Variants in FBXW11 observed in about 807,000 individuals in gnomAD.
FBXW11 encodes F-box/WD repeat-containing protein 11.
FBXW11 carries 19 observed loss-of-function variants against 77.6 expected under a neutral mutation model. The observed-to-expected ratio is 0.24, with a 90% CI of 0.17 to 0.36. FBXW11 has a LOEUF of 0.36. Ranked by LOEUF, FBXW11 falls within the 10% of genes least tolerant of loss-of-function variation. FBXW11 has a pLI of 1.00. For missense variants in FBXW11, 334 were observed against 704.2 expected, an observed-to-expected ratio of 0.47 and a Z score of 5.95; for synonymous variants, 235 against 249.4, an observed-to-expected ratio of 0.94 and a Z score of 0.54.
chr5:171,975,643 C>T (rs1764788612), intron 1 of FBXW11, among the ~76,000 whole-genome samples: 2 of 152,166 alleles, frequency 1.3e-5, no homozygotes, highest in Non-Finnish European at 2.9e-5. Context: ...CTACTTCTTC[C>T]CATGCTAAAA....
intron 1 of FBXW11, among the ~76,000 whole-genome samples, chr5:171,983,796 T>C (rs945034550): frequency 6.6e-6 from 1 of 152,210 alleles, no homozygotes; most frequent in Non-Finnish European, 1.5e-5. Context: ...CCAGTAATTC[T>C]GTTGGGTTCT....
intron 1 of FBXW11, among the ~76,000 whole-genome samples, chr5:171,960,108 G>A (rs1236532450): frequency 6.6e-6 from 1 of 152,296 alleles, no homozygotes; most frequent in East Asian, 1.9e-4. Flanking sequence ...AGGTGAGGTG[G>A]CTCACGCCTA....
rs758247050 is a variant in FBXW11 at position 171,898,959 on chromosome 5, A to AAC, written c.714+43_714+44dup. On this transcript the variant is annotated intron_variant, in intron 6 of 13. Transcript: ENST00000517395. ...CTCTAAGGCAACATAAAAAGTTGAG[A>AAC]ACAAGAAACAAAGAGCCCATAAAAC... The AAC allele has an allele frequency of 2.1e-4, 265 of 1,270,580 alleles. 1 individual carries two copies. The highest frequency in any genetic ancestry group is 1.5e-5 in the Non-Finnish European group (14 of 904,724). The allele number at this position is 1,270,580 out of a possible 1,614,324, so 78.7% of individuals were successfully genotyped here.
chr5:171,870,667 T>C (rs1757701596), intron 11 of FBXW11, 81 bp downstream of exon 11: 1 of 1,042,254 alleles, frequency 9.6e-7, no homozygotes, highest in South Asian at 1.4e-5. Flanking sequence ...ACCTGGTACA[T>C]ACAGAGTTGC....
At chr5:171,865,791 T>G (rs771828585) in intron 13 of FBXW11, among the ~76,000 whole-genome samples, 7 of 151,888 alleles carry the variant, frequency 4.6e-5, no homozygotes, top group Non-Finnish European at 7.4e-5. Flanking sequence ...CTAATTTTTT[T>G]AAAAACGACT....
At chr5:171,930,323 G>A (rs1003588694) in intron 2 of FBXW11, among the ~76,000 whole-genome samples, 1 of 152,174 alleles carries the variant, frequency 6.6e-6, no homozygotes, top group South Asian at 2.1e-4. Context: ...AACATCATAC[G>A]TATTAGTGAA....
intron 1 of FBXW11, among the ~76,000 whole-genome samples, chr5:171,982,477 T>C (rs1176649616): frequency 6.6e-5 from 10 of 152,148 alleles, no homozygotes; most frequent in Admixed American, 6.6e-4. Context: ...TTACATCTTG[T>C]TGGTCAGGCT....
chr5:171,964,759 AG>A (rs1235949058), intron 1 of FBXW11, among the ~76,000 whole-genome samples: 3 of 152,236 alleles, frequency 2.0e-5, no homozygotes, highest in East Asian at 3.8e-4. Flanking sequence ...GTTAAATAAA[AG>A]TTAATTCACG....
intron 1 of FBXW11, among the ~76,000 whole-genome samples, chr5:171,971,730 C>G (rs1192056373): frequency 2.0e-5 from 3 of 152,274 alleles, no homozygotes; most frequent in Non-Finnish European, 4.4e-5. Context: ...CACCTGTAAT[C>G]CCAACACTTT....
chr5:171,918,105 A>T (rs1761371164), intron 2 of FBXW11, among the ~76,000 whole-genome samples: 1 of 152,078 alleles, frequency 6.6e-6, no homozygotes, highest in Non-Finnish European at 1.5e-5. Context: ...TGTTAAATAC[A>T]ATACAGTCCT....
intron 1 of FBXW11, among the ~76,000 whole-genome samples, chr5:172,006,056 C>A (rs184965561): frequency 0.012 from 1,835 of 152,228 alleles, 17 homozygotes; most frequent in Non-Finnish European, 0.017. Context: ...CCATCTCACT[C>A]GGCCTGAGTG....
chr5:171,944,473 G>A lies in FBXW11; in HGVS notation c.147+13124C>T, dbSNP rs887532955. Reference sequence around the variant, plus strand: ...GCCTGTAGTCCCAGCTATGCGGGAGGCTGAGGCAGGAGAATGGCGTGAACC... The same window carrying A: ...GCCTGTAGTCCCAGCTATGCGGGAGACTGAGGCAGGAGAATGGCGTGAACC... On this transcript the variant is annotated intron_variant, in intron 2 of 13. Coordinates refer to ENST00000517395, the MANE Select transcript of FBXW11 (RefSeq NM_001378974.1). Among the ~76,000 whole-genome samples, 14 of 150,304 alleles carry A rather than the reference G, an allele frequency of 9.3e-5. 1 individual carries two copies. Among genetic ancestry groups the A allele is most frequent in the African/African-American group, 2.2e-4 (9 of 41,012 alleles).
intron 13 of FBXW11, 117 bp downstream of exon 13, chr5:171,868,493 G>T: frequency 2.6e-6 from 2 of 756,504 alleles, no homozygotes; most frequent in Non-Finnish European, 4.3e-6. Flanking sequence ...TGCAAAAGTT[G>T]ACACGTCTAA....
At chr5:172,000,656 T>C (rs555419571) in intron 1 of FBXW11, among the ~76,000 whole-genome samples, 59 of 152,332 alleles carry the variant, frequency 3.9e-4, no homozygotes, top group African/African-American at 1.3e-3. Context: ...AAAGTTAGTA[T>C]GGTCAGCATT....
intron 9 of FBXW11, among the ~76,000 whole-genome samples, chr5:171,875,596 A>G (rs1758025117): frequency 6.6e-6 from 1 of 152,224 alleles, no homozygotes; most frequent in Non-Finnish European, 1.5e-5. Context: ...ATCTTATGGC[A>G]TGGAAACTAT....
chr5:171,905,482 T>C (rs1304116085), intron 4 of FBXW11, among the ~76,000 whole-genome samples: 2 of 151,442 alleles, frequency 1.3e-5, no homozygotes, highest in Non-Finnish European at 2.9e-5. Flanking sequence ...TGTTCTACTC[T>C]CCCCCAAATC....
intron 10 of FBXW11, among the ~76,000 whole-genome samples, chr5:171,872,315 A>G (rs1000839779): frequency 1.3e-5 from 2 of 152,216 alleles, no homozygotes; most frequent in African/African-American, 4.8e-5. Flanking sequence ...CACTTATGTA[A>G]TGCCACTAGA....
At chr5:171,984,301 T>A (rs1765314283) in intron 1 of FBXW11, among the ~76,000 whole-genome samples, 1 of 152,242 alleles carries the variant, frequency 6.6e-6, no homozygotes, top group Non-Finnish European at 1.5e-5. Flanking sequence ...AAAACATGTA[T>A]TCTTTAATGT....
intron 2 of FBXW11, among the ~76,000 whole-genome samples, chr5:171,956,158 T>G (rs1476998694): frequency 6.6e-6 from 1 of 151,992 alleles, no homozygotes; most frequent in Non-Finnish European, 1.5e-5. Flanking sequence ...TCCAGAAAAA[T>G]AGAGACAAAA....
Sources: allele counts gnomAD v4.1 joint callset (sites outside exome capture counted in the v4.1 genomes callset), GRCh38; gene constraint gnomAD v4.1.1; transcripts MANE v1.5; gene names NCBI Gene and HGNC (gene_info 2026-07-23, HGNC 2026-07-21).